The following RBFOX1 variants were observed in gnomAD, a reference collection of about 807,000 sequenced individuals.
The protein encoded by RBFOX1 is RNA binding fox-1 homolog 1, also known as RNA binding protein fox-1 homolog 1.
A neutral mutation model predicts 57.7 loss-of-function variants in RBFOX1; 8 were observed. That is an observed-to-expected ratio of 0.14 (90% CI 0.08 to 0.25). RBFOX1 has a LOEUF of 0.25. Among genes scored for constraint, RBFOX1 ranks in the 10% least tolerant of loss-of-function variants. RBFOX1 has a pLI of 1.00. For missense variants in RBFOX1, 611 were observed against 548.5 expected (o/e 1.11, Z -1.14); for synonymous variants, 326 against 222.4 (o/e 1.47, Z -4.15).
At position 7,582,038 on chromosome 16, in the gene RBFOX1, C is replaced by G. The variant is rs937948614; in HGVS notation, c.414+2118C>G. The stretch of plus-strand genomic sequence containing the variant: ...GCACCCATCCAGCACCCCCCCCCCC[C>G]CTTTTTTTTGTGACAAAGTCTTAGT... On this transcript the variant is annotated intron_variant, in intron 6 of 15. Transcript: ENST00000550418. Among the ~76,000 whole-genome samples, 18 of 151,318 alleles carry G rather than the reference C, an allele frequency of 1.2e-4. No individual in the cohort carries two copies. In the South Asian group the frequency reaches 1.9e-3, roughly 16 times the overall value.
intron 1 of RBFOX1, among the ~76,000 whole-genome samples, chr16:5,383,349 C>T (rs2066176253): frequency 6.6e-6 from 1 of 152,216 alleles, no homozygotes; most frequent in Non-Finnish European, 1.5e-5. Flanking sequence ...CCGCTCAGAC[C>T]TGAGTTGGCA....
chr16:6,455,924 C>G (rs1424999802), intron 2 of RBFOX1, among the ~76,000 whole-genome samples: 2 of 152,076 alleles, frequency 1.3e-5, no homozygotes, highest in Non-Finnish European at 2.9e-5. Context: ...TCACAGAAAT[C>G]TTAAGATTTC....
At chr16:6,671,302 A>G (rs993180849) in intron 3 of RBFOX1, among the ~76,000 whole-genome samples, 6 of 152,196 alleles carry the variant, frequency 3.9e-5, no homozygotes, top group Admixed American at 3.9e-4. Flanking sequence ...ATTAAAAATG[A>G]TGAATACACT....
At chr16:5,544,699 T>C (rs533148801) in intron 2 of RBFOX1, among the ~76,000 whole-genome samples, 188 of 152,302 alleles carry the variant, frequency 1.2e-3, no homozygotes, top group African/African-American at 4.3e-3. Flanking sequence ...CTTTGTATAG[T>C]ACATACTTAT....
intron 3 of RBFOX1, among the ~76,000 whole-genome samples, chr16:6,847,822 C>A (rs772107013): frequency 2.2e-4 from 33 of 151,792 alleles, no homozygotes; most frequent in Non-Finnish European, 4.7e-4. Flanking sequence ...AAAATTATTC[C>A]CACCAAGACT....
Position 5,302,866 on chromosome 16 carries a change from C to CT in RBFOX1, c.219+62768dup, listed in dbSNP as rs1240489445. ...TATAAACAGCATATAGTTAATCTTGCTTTTTTTGGTTTAATTTGTCAATCT... is the reference window on the plus strand; with the variant it reads ...TATAAACAGCATATAGTTAATCTTGCTTTTTTTTGGTTTAATTTGTCAATCT... On this transcript the variant is annotated intron_variant, in intron 1 of 2. Coordinates refer to the RBFOX1 transcript ENST00000585867. 6.6e-5 allele frequency among the ~76,000 whole-genome samples: 10 copies of CT among 152,122 alleles called. No individual in the cohort carries two copies. In the East Asian group the frequency reaches 1.9e-3, roughly 29 times the overall value.
At chr16:7,416,616 A>G (rs1275144882) in intron 4 of RBFOX1, among the ~76,000 whole-genome samples, 2 of 152,186 alleles carry the variant, frequency 1.3e-5, no homozygotes, top group Non-Finnish European at 2.9e-5. Context: ...GTGCATATAG[A>G]AAAGCACCCA....
intron 2 of RBFOX1, among the ~76,000 whole-genome samples, chr16:6,437,863 G>A (rs1025914660): frequency 6.6e-5 from 10 of 152,222 alleles, no homozygotes; most frequent in African/African-American, 2.2e-4. Flanking sequence ...ATTCAGTCAC[G>A]TCCCACCAGC....
At chr16:7,401,616 A>G (rs1039589820) in intron 4 of RBFOX1, among the ~76,000 whole-genome samples, 1 of 152,224 alleles carries the variant, frequency 6.6e-6, no homozygotes, top group Non-Finnish European at 1.5e-5. Flanking sequence ...GGCAATAGGT[A>G]AATGCATTGA....
chr16:6,241,392 G>A (rs1166648873), intron 1 of RBFOX1, among the ~76,000 whole-genome samples: 1 of 152,134 alleles, frequency 6.6e-6, no homozygotes, highest in East Asian at 1.9e-4. Flanking sequence ...CATTACGAAC[G>A]TGCTCATGGT....
intron 4 of RBFOX1, among the ~76,000 whole-genome samples, chr16:7,331,832 C>T (rs1324058543): frequency 6.6e-6 from 1 of 151,972 alleles, no homozygotes; most frequent in African/African-American, 2.4e-5. Flanking sequence ...GAATTAATTC[C>T]AATTCATGTC....
At chr16:5,373,038 C>A (rs1309395304) in intron 1 of RBFOX1, among the ~76,000 whole-genome samples, 1 of 152,230 alleles carries the variant, frequency 6.6e-6, no homozygotes, top group East Asian at 1.9e-4. Context: ...ATAGCTTTCA[C>A]ATCTTGATAT....
intron 4 of RBFOX1, among the ~76,000 whole-genome samples, chr16:7,114,584 C>A (rs924709391): frequency 6.6e-6 from 1 of 152,196 alleles, no homozygotes; most frequent in African/African-American, 2.4e-5. Flanking sequence ...TTTATCTCCT[C>A]TAGCCCAAGA....
chr16:6,892,069 A>T (rs1201234157), intron 3 of RBFOX1, among the ~76,000 whole-genome samples: 3 of 152,164 alleles, frequency 2.0e-5, no homozygotes, highest in Non-Finnish European at 2.9e-5. Context: ...CAGGTGGATG[A>T]CATAGATCCC....
chr16:7,115,907 G>A (rs919390370), intron 4 of RBFOX1, among the ~76,000 whole-genome samples: 1 of 152,206 alleles, frequency 6.6e-6, no homozygotes, highest in African/African-American at 2.4e-5. Flanking sequence ...TAGCAGTGAT[G>A]CGTATAATAG....
intron 1 of RBFOX1, among the ~76,000 whole-genome samples, chr16:6,248,638 T>G (rs1258053272): frequency 6.6e-6 from 1 of 152,022 alleles, no homozygotes; most frequent in Non-Finnish European, 1.5e-5. Context: ...TTAATACACT[T>G]TGGGGGGAGG....
chr16:5,556,947 C>T (rs1244484691), intron 2 of RBFOX1, among the ~76,000 whole-genome samples: 1 of 152,138 alleles, frequency 6.6e-6, no homozygotes, highest in Non-Finnish European at 1.5e-5. Context: ...AGAATTTCCT[C>T]ATGTTAATTT....
intron 1 of RBFOX1, among the ~76,000 whole-genome samples, chr16:5,448,702 C>T (rs1327010650): frequency 6.6e-6 from 1 of 152,182 alleles, no homozygotes; most frequent in Non-Finnish European, 1.5e-5. Context: ...GAGATACACC[C>T]ACCCCTAAAT....
chr16:6,084,862 T>C (rs1006711062), intron 1 of RBFOX1, among the ~76,000 whole-genome samples: 1 of 152,268 alleles, frequency 6.6e-6, no homozygotes, highest in East Asian at 1.9e-4. Context: ...CCTTGAGCTA[T>C]CTATTTGACT....
Sources: allele counts gnomAD v4.1 joint callset (sites outside exome capture counted in the v4.1 genomes callset), GRCh38; gene constraint gnomAD v4.1.1; transcripts MANE v1.5; gene names NCBI Gene and HGNC (gene_info 2026-07-23, HGNC 2026-07-21).